Variants in RIMS2 observed in about 807,000 individuals in gnomAD.
RIMS2 encodes the protein regulating synaptic membrane exocytosis 2.
In RIMS2, 59 loss-of-function variants were observed where a neutral mutation model predicts 174.4. The ratio of observed to expected loss-of-function variants is 0.34; its 90% CI spans 0.27 to 0.42. The LOEUF (loss-of-function observed/expected upper bound fraction) is 0.42, where lower values mean the gene tolerates loss of function less well. RIMS2 is among the 10% of genes least tolerant of loss of function. RIMS2 has a pLI of 1.00. For synonymous variants in RIMS2, 606 were observed against 572.5 expected, an observed-to-expected ratio of 1.06 and a Z score of -0.84; for missense variants, 1,620 against 1,666.3, an observed-to-expected ratio of 0.97 and a Z score of 0.48.
chr8:103,931,104 A>G (rs2079839183), intron 11 of RIMS2, among the ~76,000 whole-genome samples, 159 bp from the exon 14 acceptor site: 1 of 152,166 alleles, frequency 6.6e-6, no homozygotes, highest in South Asian at 2.1e-4. Flanking sequence ...TGAAGTTATT[A>G]TAGTATATCC....
At chr8:104,128,695 C>G (rs866596354) in intron 19 of RIMS2, among the ~76,000 whole-genome samples, 5 of 151,920 alleles carry the variant, frequency 3.3e-5, no homozygotes, top group Middle Eastern at 3.4e-3. Flanking sequence ...GAAACTCCAT[C>G]ACAAAAAAAT....
intron 1 of RIMS2, among the ~76,000 whole-genome samples, chr8:103,693,191 A>G (rs755513173): frequency 2.0e-5 from 3 of 152,102 alleles, no homozygotes; most frequent in Admixed American, 1.3e-4. Flanking sequence ...AAGTCCCACA[A>G]TTACTAAACT....
chr8:104,022,050 C>T (rs920069669), intron 19 of RIMS2, among the ~76,000 whole-genome samples: 2 of 152,008 alleles, frequency 1.3e-5, no homozygotes, highest in African/African-American at 4.8e-5. Flanking sequence ...CTCCAAAATG[C>T]AAAAGTCTGA....
chr8:103,718,808 C>A (rs2097406642), intron 2 of RIMS2, among the ~76,000 whole-genome samples: 1 of 152,082 alleles, frequency 6.6e-6, no homozygotes, highest in South Asian at 2.1e-4. Flanking sequence ...GCTGGGATTA[C>A]AGGCGCCTGC....
At chr8:103,960,242 C>T (rs541334810) in intron 14 of RIMS2, among the ~76,000 whole-genome samples, 1 of 152,284 alleles carries the variant, frequency 6.6e-6, no homozygotes, top group Admixed American at 6.5e-5. Flanking sequence ...TAGTCACAAT[C>T]TACTTTAGTC....
chr8:104,047,547 AT>A (rs1294301497), intron 19 of RIMS2, among the ~76,000 whole-genome samples: 1 of 152,140 alleles, frequency 6.6e-6, no homozygotes, highest in East Asian at 1.9e-4. Context: ...TCAAATGGTT[AT>A]TGCAAAGATT....
In RIMS2 at chr8:103,533,678, A is replaced by ACAG. The variant is rs769072228; in HGVS notation, c.176+32616_176+32617insCAG. On this transcript the variant is annotated intron_variant, in intron 1 of 23. Transcript: ENST00000504942. ...CCCTGTCTCAAAAAAAAAAAAAAAAAAAAAGAAAAAGAAAAAAACCTGATA... is the reference window on the plus strand; with the variant it reads ...CCCTGTCTCAAAAAAAAAAAAAAAAACAGAAAAGAAAAAGAAAAAAACCTGATA... Among the ~76,000 whole-genome samples, 147 of 147,948 alleles carry ACAG rather than the reference A, an allele frequency of 9.9e-4. 1 individual carries two copies. Among genetic ancestry groups the ACAG allele is most frequent in the Admixed American group, 1.1e-3 (16 of 14,758 alleles).
chr8:103,800,786 G>A (rs997767165), intron 3 of RIMS2, among the ~76,000 whole-genome samples: 1 of 152,090 alleles, frequency 6.6e-6, no homozygotes, highest in African/African-American at 2.4e-5. Flanking sequence ...GTTGTATGTA[G>A]TTTCCTTTCC....
At chr8:103,994,338 T>C (rs2154551105) in intron 17 of RIMS2, among the ~76,000 whole-genome samples, 1 of 152,284 alleles carries the variant, frequency 6.6e-6, no homozygotes, top group African/African-American at 2.4e-5. Context: ...ATAGTAATTT[T>C]TTATCATGAG....
chr8:103,928,018 C>A (rs2079118709), intron 11 of RIMS2: 5 of 667,324 alleles, frequency 7.5e-6, no homozygotes, highest in Non-Finnish European at 1.3e-5. Flanking sequence ...ACTTTCAAAT[C>A]ATTTTATTAG....
At chr8:103,547,238 A>G (rs1386568193) in intron 1 of RIMS2, among the ~76,000 whole-genome samples, 1 of 152,188 alleles carries the variant, frequency 6.6e-6, no homozygotes, top group Non-Finnish European at 1.5e-5. Flanking sequence ...TCTTGGTCTC[A>G]TGTTATCCTT....
chr8:104,172,968 G>A (rs1184385560), intron 19 of RIMS2, among the ~76,000 whole-genome samples: 2 of 152,178 alleles, frequency 1.3e-5, no homozygotes, highest in East Asian at 1.9e-4. Flanking sequence ...CAGTCAAGAA[G>A]TTTGGCTCCA....
chr8:104,012,863 A>G (rs2095804237), intron 17 of RIMS2, among the ~76,000 whole-genome samples: 1 of 152,174 alleles, frequency 6.6e-6, no homozygotes, highest in Non-Finnish European at 1.5e-5. Context: ...ACCAAGATAG[A>G]CAGCCAGTTA....
chr8:103,597,000 T>C lies in RIMS2; in HGVS notation c.176+95938T>C, dbSNP rs149638663. 2.6e-3 allele frequency among the ~76,000 whole-genome samples: 394 copies of C among 152,216 alleles called. 2 individuals are homozygous for C. The Middle Eastern group carries it at 0.085, about 33-fold the overall frequency. On this transcript the variant is annotated intron_variant, in intron 1 of 23. Coordinates refer to ENST00000504942, the Ensembl canonical transcript of RIMS2. ...CAGCGCTGTTATTTCCATAGCATTG[T>C]TGTGTACATGAAGTATTAAAGAAAC...
At chr8:103,703,305 G>A (rs2388781) in intron 2 of RIMS2, among the ~76,000 whole-genome samples, 3 of 151,828 alleles carry the variant, frequency 2.0e-5, no homozygotes, top group Non-Finnish European at 2.9e-5. Flanking sequence ...TGGCACAATC[G>A]TGGCTCACTG....
At chr8:104,026,677 A>T (rs1222120950) in intron 19 of RIMS2, among the ~76,000 whole-genome samples, 1 of 152,220 alleles carries the variant, frequency 6.6e-6, no homozygotes, top group Non-Finnish European at 1.5e-5. Flanking sequence ...AAACATATTT[A>T]AAAAGTTTAC....
At chr8:103,970,157 G>A (rs1346391376) in intron 15 of RIMS2, among the ~76,000 whole-genome samples, 1 of 152,126 alleles carries the variant, frequency 6.6e-6, no homozygotes, top group Admixed American at 6.5e-5. Context: ...TAAGGTCGGG[G>A]AAGGGAAACA....
Position 103,662,671 on chromosome 8 carries a change from A to AGTCT in RIMS2, c.177-34414_177-34411dup, listed in dbSNP as rs1480702038. On this transcript the variant is annotated intron_variant, in intron 1 of 23. Coordinates refer to ENST00000504942, the Ensembl canonical transcript of RIMS2. Reference sequence around the variant, plus strand: ...CACCTTTTCCCTTTGGAGTCAGAAGAGTCTATCTATCTATCTATCTATCTA... The same window carrying AGTCT: ...CACCTTTTCCCTTTGGAGTCAGAAGAGTCTGTCTATCTATCTATCTATCTATCTA... Among the ~76,000 whole-genome samples, 40 of 138,546 alleles carry AGTCT rather than the reference A, an allele frequency of 2.9e-4. 1 individual carries two copies. The highest frequency in any genetic ancestry group is 1.0e-3 in the African/African-American group (39 of 37,486). The allele number at this position is 138,546 out of a possible 152,430, so 90.9% of individuals were successfully genotyped here.
At chr8:104,132,250 A>T (rs1284274222) in intron 19 of RIMS2, among the ~76,000 whole-genome samples, 1 of 152,168 alleles carries the variant, frequency 6.6e-6, no homozygotes, top group Non-Finnish European at 1.5e-5. Flanking sequence ...TTAAAATTCT[A>T]CTTTGCAGAC....
Sources: allele counts gnomAD v4.1 joint callset (sites outside exome capture counted in the v4.1 genomes callset), GRCh38; gene constraint gnomAD v4.1.1; transcripts MANE v1.5; gene names NCBI Gene and HGNC (gene_info 2026-07-23, HGNC 2026-07-21).